Variants in DYNC1I1 observed in about 807,000 individuals in gnomAD.
DYNC1I1 encodes the protein cytoplasmic dynein 1 intermediate chain 1.
In DYNC1I1, 43 loss-of-function variants were observed where a neutral mutation model predicts 86.6. That is an observed-to-expected ratio of 0.50 (90% confidence interval 0.39 to 0.64). DYNC1I1 has a LOEUF of 0.64. Among genes scored for constraint, DYNC1I1 ranks in the 30% least tolerant of loss-of-function variants. The probability of loss-of-function intolerance (pLI) is 0.00; values close to 1 mark genes in which losing one functional copy is unlikely to be tolerated. For missense variants in DYNC1I1, 604 were observed against 788.8 expected (o/e 0.77, Z 2.81); for synonymous variants, 262 against 283.7 (o/e 0.92, Z 0.77).
intron 6 of DYNC1I1, among the ~76,000 whole-genome samples, chr7:95,976,915 A>T (rs550204917): frequency 1.3e-5 from 2 of 152,288 alleles, no homozygotes; most frequent in East Asian, 3.9e-4. Context: ...TGTTAGTCTC[A>T]TTAAATTCAC....
chr7:95,822,944 G>T (rs1795111737), intron 4 of DYNC1I1, among the ~76,000 whole-genome samples: 1 of 152,164 alleles, frequency 6.6e-6, no homozygotes, highest in African/African-American at 2.4e-5. Flanking sequence ...GAAAGATAAG[G>T]TCATGGTGGG....
intron 16 of DYNC1I1, among the ~76,000 whole-genome samples, chr7:96,088,788 G>A (rs1314271809): frequency 6.6e-6 from 1 of 151,980 alleles, no homozygotes; most frequent in Non-Finnish European, 1.5e-5. Flanking sequence ...CACGTAGGTC[G>A]GACTTGAAAA....
At chr7:95,910,556 T>A (rs1791306320) in intron 6 of DYNC1I1, among the ~76,000 whole-genome samples, 1 of 152,156 alleles carries the variant, frequency 6.6e-6, no homozygotes, top group Admixed American at 6.5e-5. Context: ...CTCCTGGGCA[T>A]TAGCAAGGGT....
At chr7:95,933,783 G>A (rs960476054) in intron 6 of DYNC1I1, among the ~76,000 whole-genome samples, 1 of 151,966 alleles carries the variant, frequency 6.6e-6, no homozygotes, top group African/African-American at 2.4e-5. Flanking sequence ...TGAGACACCC[G>A]CCTTTCAGTC....
intron 6 of DYNC1I1, among the ~76,000 whole-genome samples, chr7:95,913,220 A>G (rs1226716277): frequency 6.6e-6 from 1 of 152,184 alleles, no homozygotes; most frequent in African/African-American, 2.4e-5. Context: ...ATATAGAAAT[A>G]TTATTTTTTA....
In DYNC1I1 at chr7:95,963,410, C is replaced by T. The variant is rs190771535; in HGVS notation, c.491-14102C>T. ...AGTTTAGCCTATGCCTTCAATATAC[C>T]GCGTTTTGAAGAACATGTGTTCAAT... On this transcript the variant is annotated intron_variant, in intron 6 of 16. Transcript: ENST00000447467. Among the ~76,000 whole-genome samples the T allele has an allele frequency of 3.9e-4, 59 of 152,144 alleles. No homozygotes were observed. In the South Asian group the frequency reaches 9.3e-3, roughly 24 times the overall value.
intron 16 of DYNC1I1, among the ~76,000 whole-genome samples, chr7:96,109,049 T>C (rs747572824): frequency 3.6e-4 from 55 of 152,166 alleles, no homozygotes; most frequent in Non-Finnish European, 6.3e-4. Flanking sequence ...ATCATCACTT[T>C]ACAATCTGTA....
intron 16 of DYNC1I1, among the ~76,000 whole-genome samples, chr7:96,109,333 A>G (rs1032313876): frequency 6.6e-6 from 1 of 151,444 alleles, no homozygotes; most frequent in African/African-American, 2.4e-5. Context: ...TTTTAGCATT[A>G]GGTATATCTC....
At chr7:95,887,587 C>T (rs1323126930) in intron 6 of DYNC1I1, among the ~76,000 whole-genome samples, 1 of 152,176 alleles carries the variant, frequency 6.6e-6, no homozygotes, top group African/African-American at 2.4e-5. Flanking sequence ...CCTCCTCTCA[C>T]CCTTCTCTAT....
At chr7:96,093,863 G>T (rs1300399537) in intron 16 of DYNC1I1, among the ~76,000 whole-genome samples, 1 of 151,934 alleles carries the variant, frequency 6.6e-6, no homozygotes, top group African/African-American at 2.4e-5. Context: ...AAATTGTTTG[G>T]AAATTATTCT....
At position 96,026,436 on chromosome 7, in the gene DYNC1I1, T is replaced by G. The variant is rs553226435; in HGVS notation, c.970-1739T>G. Among the ~76,000 whole-genome samples, 16 of 141,292 alleles carry G rather than the reference T, an allele frequency of 1.1e-4. No individual in the cohort carries two copies. The South Asian group carries it at 1.7e-3, about 15-fold the overall frequency. 92.7% of individuals were successfully genotyped at this position (141,292 alleles called of 152,430 possible). A position where few individuals can be genotyped will look rare whatever the true frequency, so the allele number is the denominator to read the frequency against. ...AGAGGTCATAGGTTTTTTTTTGGGGTTTTTTTGTTACTACTTTGCTGGTGT... is the reference window on the plus strand; with the variant it reads ...AGAGGTCATAGGTTTTTTTTTGGGGGTTTTTTGTTACTACTTTGCTGGTGT... On this transcript the variant is annotated intron_variant, in intron 10 of 16. Transcript: ENST00000447467.
chr7:96,048,722 G>T (rs895184691), intron 14 of DYNC1I1, among the ~76,000 whole-genome samples: 1 of 152,164 alleles, frequency 6.6e-6, no homozygotes, highest in African/African-American at 2.4e-5. Context: ...CTAGTTTAGG[G>T]TTCAGACAGG....
At chr7:96,008,291 G>A (rs570453915) in intron 10 of DYNC1I1, among the ~76,000 whole-genome samples, 1 of 152,274 alleles carries the variant, frequency 6.6e-6, no homozygotes, top group African/African-American at 2.4e-5. Flanking sequence ...AGTTGGGAAT[G>A]TGAATGAAAG....
At chr7:95,791,822 A>C (rs534158446) in intron 1 of DYNC1I1, among the ~76,000 whole-genome samples, 3 of 152,342 alleles carry the variant, frequency 2.0e-5, no homozygotes, top group Admixed American at 6.5e-5. Context: ...AGATAGTTGA[A>C]TGGATGAGAC....
intron 10 of DYNC1I1, among the ~76,000 whole-genome samples, chr7:96,001,908 G>T (rs1324119052): frequency 6.6e-6 from 1 of 152,176 alleles, no homozygotes; most frequent in Non-Finnish European, 1.5e-5. Context: ...GCTTTGAAAT[G>T]ATAAAAGTAT....
chr7:96,055,791 A>T (rs1051639728), intron 14 of DYNC1I1: 4 of 152,166 alleles, frequency 2.6e-5, no homozygotes, highest in African/African-American at 9.7e-5. Flanking sequence ...GCCCTCCCAT[A>T]AATTCTAGGG....
intron 1 of DYNC1I1, among the ~76,000 whole-genome samples, chr7:95,778,828 TA>T (rs1293245659): frequency 2.0e-5 from 3 of 151,952 alleles, no homozygotes; most frequent in African/African-American, 7.3e-5. Flanking sequence ...ACCAGCTGGT[TA>T]AAAAATTTTT....
intron 14 of DYNC1I1, among the ~76,000 whole-genome samples, chr7:96,053,764 T>A (rs1473302468): frequency 6.6e-6 from 1 of 152,178 alleles, no homozygotes; most frequent in Non-Finnish European, 1.5e-5. Context: ...GAATAGGATA[T>A]TGCTTTGTTC....
chr7:95,924,743 G>A (rs761013575), intron 6 of DYNC1I1, among the ~76,000 whole-genome samples: 7 of 152,178 alleles, frequency 4.6e-5, no homozygotes, highest in Admixed American at 2.0e-4. Context: ...AGCTAGTACA[G>A]CACAGTGGTT....
Sources: gnomAD v4.1 joint callset for allele counts (sites outside exome capture counted in the v4.1 genomes callset) on GRCh38, gnomAD v4.1.1 for gene constraint, MANE v1.5 for transcripts, NCBI Gene and HGNC (gene_info 2026-07-23, HGNC 2026-07-21) for gene names.